Variants in LTO1 observed in about 807,000 individuals in gnomAD.
The protein encoded by LTO1 is LTO1 maturation factor of ABCE1.
In LTO1, 18 loss-of-function variants were observed where a neutral mutation model predicts 19.8. The ratio of observed to expected loss-of-function variants is 0.91; its 90% CI spans 0.63 to 1.35. The LOEUF (loss-of-function observed/expected upper bound fraction) is 1.35. Among genes scored for constraint, LTO1 ranks in the 40% most tolerant of loss-of-function variants. LTO1 has a pLI of 0.00. For synonymous variants in LTO1, 59 were observed against 59.6 expected, an observed-to-expected ratio of 0.99 and a Z score of 0.05; for missense variants, 175 against 167.9, an observed-to-expected ratio of 1.04 and a Z score of -0.23.
chr11:69,669,363 T>A (rs1394806941), intron 3 of LTO1, among the ~76,000 whole-genome samples: 1 of 152,212 alleles, frequency 6.6e-6, no homozygotes, highest in Non-Finnish European at 1.5e-5. Flanking sequence ...ACCTCCTGTG[T>A]ACTTGCAAAC....
In LTO1 at chr11:69,667,387, C is replaced by T. The variant is rs1043145340; in HGVS notation, c.*132G>A. The T allele has an allele frequency of 5.4e-5, 37 of 684,908 alleles. No homozygotes were observed. Among genetic ancestry groups the T allele is most frequent in the South Asian group, 1.4e-4 (8 of 57,098 alleles). The allele number at this position is 684,908 out of a possible 1,614,324, so 42.4% of individuals were successfully genotyped here. A position where few individuals can be genotyped will look rare whatever the true frequency, so the allele number is the denominator to read the frequency against. On this transcript the variant is annotated 3_prime_UTR_variant, in exon 5 of 5. Coordinates refer to ENST00000279147, the MANE Select transcript of LTO1 (RefSeq NM_153451.3). ...AACCCCAGGGAAGGAAGCCCTCCCA[C>T]GGCCGAACCGGAACCCTCACCCTCC...
intron 3 of LTO1, among the ~76,000 whole-genome samples, chr11:69,671,091 G>A (rs1856102127): frequency 6.6e-6 from 1 of 152,088 alleles, no homozygotes; most frequent in African/African-American, 2.4e-5. Flanking sequence ...AGTAGAGACA[G>A]GGTTTCACCA....
At chr11:69,668,962 A>G (rs1856071549) in intron 3 of LTO1, among the ~76,000 whole-genome samples, 1 of 146,026 alleles carries the variant, frequency 6.8e-6, no homozygotes, top group Non-Finnish European at 1.5e-5. Flanking sequence ...TGGGAGGTGG[A>G]GGTTGCAGTG....
chr11:69,667,417 GAAC>G lies in LTO1; in HGVS notation c.*99_*101del. The G allele has an allele frequency of 3.7e-6, 3 of 813,976 alleles. No individual in the cohort carries two copies. The East Asian group carries it at 7.4e-5, about 20-fold the overall frequency. 50.4% of individuals were successfully genotyped at this position (813,976 alleles called of 1,614,324 possible). On this transcript the variant is annotated 3_prime_UTR_variant, in exon 5 of 5. Coordinates refer to ENST00000279147, the MANE Select transcript of LTO1 (RefSeq NM_153451.3). ...GAACCGGAACCCTCACCCTCCCAAT[GAAC>G]AACTGCCTTCCCAGCACCGTCTGGC...
intron 1 of LTO1, 69 bp from the exon 2 acceptor site, chr11:69,673,390 C>G (rs1467776007): frequency 3.7e-6 from 4 of 1,068,872 alleles, no homozygotes; most frequent in African/African-American, 1.6e-5. Flanking sequence ...AAACTTCTCT[C>G]TCTTGTATTA....
At chr11:69,672,960 G>A (rs566373999) in intron 2 of LTO1, 1 of 465,796 alleles carries the variant, frequency 2.1e-6, no homozygotes, top group East Asian at 4.8e-5. Flanking sequence ...GCACCACCAT[G>A]CCCAGCTAAT....
intron 1 of LTO1, 25 bp downstream of exon 1, chr11:69,675,165 G>A (rs573875719): frequency 1.3e-6 from 2 of 1,590,098 alleles, no homozygotes; most frequent in Admixed American, 1.8e-5. Flanking sequence ...ACAGGGCGGG[G>A]TGCGGGCCCG....
chr11:69,670,079 C>T (rs367852574), intron 3 of LTO1, among the ~76,000 whole-genome samples: 1 of 151,506 alleles, frequency 6.6e-6, no homozygotes, highest in Admixed American at 6.6e-5. Context: ...TACAATAAAG[C>T]CTTAGGTTCC....
At chr11:69,674,142 C>T (rs1322928659) in intron 1 of LTO1, among the ~76,000 whole-genome samples, 2 of 152,138 alleles carry the variant, frequency 1.3e-5, no homozygotes, top group South Asian at 2.1e-4. Flanking sequence ...CGTCAGCCAC[C>T]GCATCTGGCC....
In LTO1 at chr11:69,665,712, G is replaced by A. The variant is rs1856024117; in HGVS notation, c.*1807C>T. The A allele has an allele frequency of 6.6e-6, 1 of 152,212 alleles. No homozygotes were observed. Among genetic ancestry groups the A allele is most frequent in the African/African-American group, 2.4e-5 (1 of 41,440 alleles). 9.4% of individuals were successfully genotyped at this position (152,212 alleles called of 1,614,324 possible). On this transcript the variant is annotated 3_prime_UTR_variant, in exon 5 of 5. Coordinates refer to ENST00000279147, the MANE Select transcript of LTO1 (RefSeq NM_153451.3). ...ATCTAGAAAGAACGAGAGTCTTTCTGGCCCGAAGGCACCAGCTCTGATGAA... is the reference window on the plus strand; with the variant it reads ...ATCTAGAAAGAACGAGAGTCTTTCTAGCCCGAAGGCACCAGCTCTGATGAA...
chr11:69,675,147 A>C, intron 1 of LTO1, 43 bp downstream of exon 1: 1 of 1,575,700 alleles, frequency 6.3e-7, no homozygotes, highest in Non-Finnish European at 8.7e-7. Context: ...CCGCTGGGAG[A>C]CGACCAGACA....
chr11:69,665,780 G>C lies in LTO1; in HGVS notation c.*1739C>G, dbSNP rs769569424. The C allele has an allele frequency of 6.6e-6, 1 of 152,258 alleles. No individual in the cohort carries two copies. Among genetic ancestry groups the C allele is most frequent in the Admixed American group, 6.5e-5 (1 of 15,294 alleles). 9.4% of individuals were successfully genotyped at this position (152,258 alleles called of 1,614,324 possible). A position where few individuals can be genotyped will look rare whatever the true frequency, so the allele number is the denominator to read the frequency against. ...CCAGCACAGACTTCCCCAGACCTGAGGTGACGCTACAAACGAGCGGTGCAC... is the reference window on the plus strand; with the variant it reads ...CCAGCACAGACTTCCCCAGACCTGACGTGACGCTACAAACGAGCGGTGCAC... On this transcript the variant is annotated 3_prime_UTR_variant, in exon 5 of 5. Coordinates refer to ENST00000279147, the MANE Select transcript of LTO1 (RefSeq NM_153451.3).
At position 69,671,694 on chromosome 11, in the gene LTO1, T is replaced by C. The variant is rs1478093533; in HGVS notation, c.227+55A>G. ...TACTCAAGGGCATGCTGGTAACCCA[T>C]GGAACTAGAACTCCTGGTTCCTACG... On this transcript the variant is annotated intron_variant, in intron 3 of 4. Transcript: ENST00000279147. 8.4e-6 allele frequency: 8 copies of C among 953,440 alleles called. No homozygotes were observed. In the East Asian group the frequency reaches 1.2e-4, roughly 14 times the overall value. The allele number at this position is 953,440 out of a possible 1,614,324, so 59.1% of individuals were successfully genotyped here.
chr11:69,672,918 T>C (rs1856127617), intron 2 of LTO1: 1 of 397,008 alleles, frequency 2.5e-6, no homozygotes, highest in Admixed American at 3.4e-5. Context: ...GTCTCATACC[T>C]CAGCCTCCCA....
intron 2 of LTO1, 137 bp from the exon 3 acceptor site, chr11:69,671,956 G>C: frequency 1.5e-6 from 1 of 652,584 alleles, no homozygotes; most frequent in Non-Finnish European, 2.8e-6. Context: ...CACCTGTTGA[G>C]CATTAGGCAA....
At position 69,675,170 on chromosome 11, in the gene LTO1, G is replaced by A. The variant is rs1436564259; in HGVS notation, c.50+20C>T. ...AGACGACCAGACAGGGCGGGGTGCG[G>A]GCCCGGCCTCACCACCCACCTCTCA... On this transcript the variant is annotated intron_variant, in intron 1 of 4. Transcript: ENST00000279147. 2.5e-6 allele frequency: 4 copies of A among 1,588,564 alleles called. No homozygotes were observed. Among genetic ancestry groups the A allele is most frequent in the East Asian group, 2.3e-5 (1 of 44,380 alleles).
At position 69,673,386 on chromosome 11, in the gene LTO1, C is replaced by A. The variant is rs187087223; in HGVS notation, c.51-65G>T. ...AAGAATACTTTCTCCAGAAAAACTT[C>A]TCTCTCTTGTATTACCCGGACCCAG... On this transcript the variant is annotated intron_variant, in intron 1 of 4. Transcript: ENST00000279147. 2.9e-3 allele frequency: 3,279 copies of A among 1,134,326 alleles called. 81 individuals are homozygous for A. The South Asian group carries it at 0.035, about 12-fold the overall frequency. 70.3% of individuals were successfully genotyped at this position (1,134,326 alleles called of 1,614,324 possible).
chr11:69,669,027 CAA>C (rs33977473), intron 3 of LTO1, among the ~76,000 whole-genome samples: 11,548 of 110,600 alleles, frequency 0.1, 1,126 homozygotes, highest in African/African-American at 0.27. Context: ...GAATCCGTCT[CAA>C]AAAAAAAAAA....
At chr11:69,675,039 C>G (rs759164976) in intron 1 of LTO1, 151 bp downstream of exon 1, 43 of 724,290 alleles carry the variant, frequency 5.9e-5, no homozygotes, top group Non-Finnish European at 9.3e-5. Context: ...CAGGCCCACA[C>G]TTGTCCCTGC....
Sources: gnomAD v4.1 joint callset for allele counts (sites outside exome capture counted in the v4.1 genomes callset) on GRCh38, gnomAD v4.1.1 for gene constraint, MANE v1.5 for transcripts, NCBI Gene and HGNC (gene_info 2026-07-23, HGNC 2026-07-21) for gene names.